Variants in LDLRAD3 observed in about 807,000 individuals in gnomAD.
The protein encoded by LDLRAD3 is low density lipoprotein receptor class A domain containing 3.
A neutral mutation model predicts 29.4 loss-of-function variants in LDLRAD3; 20 were observed. The observed-to-expected ratio is 0.68, with a 90% confidence interval of 0.48 to 0.99. LDLRAD3 has a LOEUF of 0.99. Among genes scored for constraint, LDLRAD3 ranks in the 50% least tolerant of loss-of-function variants. The probability of loss-of-function intolerance (pLI) is 0.00; values close to 1 mark genes in which losing one functional copy is unlikely to be tolerated. For synonymous variants in LDLRAD3, 157 were observed against 192.7 expected (o/e 0.81, Z 1.53); for missense variants, 420 against 454.3 (o/e 0.92, Z 0.69).
chr11:36,163,850 A>C (rs974737029), intron 4 of LDLRAD3, among the ~76,000 whole-genome samples: 1 of 152,236 alleles, frequency 6.6e-6, no homozygotes, highest in African/African-American at 2.4e-5. Context: ...TATTGGGGGA[A>C]TAGTGTCTCA....
rs1853395485 is a variant in LDLRAD3 at position 36,098,380 on chromosome 11, T to A, written c.373T>A (p.Cys125Ser). The change falls in exon 4 of 6, where the codon TGT (cysteine) becomes AGT (serine). Residue 125 changes from cysteine to serine, a missense_variant. Transcript: ENST00000315571. ...TARYHCKNGLCIDKSFICDGQ... is the reference protein window; with the variant it reads ...TARYHCKNGLSIDKSFICDGQ... ...CCGCTACCACTGCAAGAACGGCCTC[T>A]GTATTGACAAGAGCTTCATCTGCGA... The A allele has an allele frequency of 6.2e-7, 1 of 1,614,240 alleles. No homozygotes were observed. Among genetic ancestry groups the A allele is most frequent in the Non-Finnish European group, 8.5e-7 (1 of 1,180,038 alleles).
intron 4 of LDLRAD3, among the ~76,000 whole-genome samples, chr11:36,150,966 T>C (rs756218819): frequency 6.6e-6 from 1 of 151,994 alleles, no homozygotes; most frequent in Non-Finnish European, 1.5e-5. Flanking sequence ...TAGCCCCTCA[T>C]TGCCAGTAGC....
At chr11:36,228,771 C>T (rs547234735) in intron 5 of LDLRAD3, among the ~76,000 whole-genome samples, 4 of 152,324 alleles carry the variant, frequency 2.6e-5, no homozygotes, top group Admixed American at 2.6e-4. Flanking sequence ...AATAGAAATG[C>T]CAATTCCATG....
At chr11:35,985,876 G>A (rs1283920200) in intron 1 of LDLRAD3, among the ~76,000 whole-genome samples, 1 of 151,138 alleles carries the variant, frequency 6.6e-6, no homozygotes, top group African/African-American at 2.4e-5. Flanking sequence ...ACCCAGTCTC[G>A]GGTATGTCTT....
At chr11:36,032,337 G>T (rs943545596) in intron 1 of LDLRAD3, among the ~76,000 whole-genome samples, 2 of 152,140 alleles carry the variant, frequency 1.3e-5, no homozygotes, top group Non-Finnish European at 2.9e-5. Flanking sequence ...GAGATGGTTC[G>T]AAATGAATAT....
chr11:36,219,606 G>A (rs1855401050), intron 4 of LDLRAD3, among the ~76,000 whole-genome samples: 1 of 152,158 alleles, frequency 6.6e-6, no homozygotes. Flanking sequence ...TAAATGGGGA[G>A]ATGAAAAGAA....
At chr11:35,986,351 T>C in intron 1 of LDLRAD3, among the ~76,000 whole-genome samples, 1 of 152,228 alleles carries the variant, frequency 6.6e-6, no homozygotes, top group Non-Finnish European at 1.5e-5. Flanking sequence ...GTACAATATA[T>C]GGTAAATTCT....
At chr11:36,133,188 T>C (rs1244653234) in intron 4 of LDLRAD3, among the ~76,000 whole-genome samples, 2 of 125,970 alleles carry the variant, frequency 1.6e-5, no homozygotes, top group Admixed American at 1.6e-4. Context: ...GCCAAGTCCA[T>C]TTGTCCATTT....
At chr11:36,130,371 G>A (rs1422153979) in intron 4 of LDLRAD3, among the ~76,000 whole-genome samples, 3 of 152,188 alleles carry the variant, frequency 2.0e-5, no homozygotes, top group Non-Finnish European at 2.9e-5. Flanking sequence ...TTGTCTGGAT[G>A]TGTCCACGGG....
intron 1 of LDLRAD3, among the ~76,000 whole-genome samples, chr11:35,990,544 A>G (rs904520266): frequency 6.6e-6 from 1 of 151,574 alleles, no homozygotes; most frequent in African/African-American, 2.4e-5. Flanking sequence ...CAGCTTCCTG[A>G]GTAGCTAGGA....
At chr11:36,012,807 A>G (rs759604795) in intron 1 of LDLRAD3, among the ~76,000 whole-genome samples, 42 of 152,214 alleles carry the variant, frequency 2.8e-4, no homozygotes, top group Admixed American at 3.3e-4. Context: ...AAAAAACGAA[A>G]CTGCAGAAAA....
At chr11:36,099,749 A>C (rs1347169442) in intron 4 of LDLRAD3, among the ~76,000 whole-genome samples, 1 of 152,204 alleles carries the variant, frequency 6.6e-6, no homozygotes. Context: ...ATACATAACA[A>C]CTGGTGAGAG....
chr11:35,963,324 T>A (rs1259393438), intron 1 of LDLRAD3, among the ~76,000 whole-genome samples: 9 of 152,032 alleles, frequency 5.9e-5, no homozygotes, highest in Non-Finnish European at 1.5e-5. Context: ...TTAAAAAAAA[T>A]ATCAAAGAAC....
At chr11:36,137,563 C>T (rs549367754) in intron 4 of LDLRAD3, among the ~76,000 whole-genome samples, 1 of 152,274 alleles carries the variant, frequency 6.6e-6, no homozygotes, top group Non-Finnish European at 1.5e-5. Flanking sequence ...GCCTGGATGA[C>T]TTAAATTGGT....
chr11:36,149,637 G>C (rs897990974), intron 4 of LDLRAD3, among the ~76,000 whole-genome samples: 1 of 152,202 alleles, frequency 6.6e-6, no homozygotes, highest in South Asian at 2.1e-4. Flanking sequence ...TTCTGGGCTG[G>C]TGGCCAGGGT....
At chr11:35,981,143 A>G (rs993124238) in intron 1 of LDLRAD3, among the ~76,000 whole-genome samples, 7 of 119,548 alleles carry the variant, frequency 5.9e-5, no homozygotes, top group African/African-American at 2.2e-4. Flanking sequence ...TTTCACTTCT[A>G]TTTCCTAAAT....
chr11:36,187,122 T>G (rs554973673), intron 4 of LDLRAD3, among the ~76,000 whole-genome samples: 1 of 152,334 alleles, frequency 6.6e-6, no homozygotes, highest in South Asian at 2.1e-4. Flanking sequence ...CTTGGCTTCC[T>G]ATTACCTTTA....
chr11:36,019,755 A>G (rs935045429), intron 1 of LDLRAD3, among the ~76,000 whole-genome samples: 1 of 152,168 alleles, frequency 6.6e-6, no homozygotes, highest in Admixed American at 6.5e-5. Context: ...GAAAGAAACA[A>G]AGGCCAAAGT....
intron 4 of LDLRAD3, among the ~76,000 whole-genome samples, chr11:36,225,837 G>A (rs142213299): frequency 0.012 from 1,834 of 152,198 alleles, 46 homozygotes; most frequent in African/African-American, 0.042. Context: ...TTGGGAGGCC[G>A]AGGCAGTTGG....
Sources: allele counts gnomAD v4.1 joint callset (sites outside exome capture counted in the v4.1 genomes callset), GRCh38; gene constraint gnomAD v4.1.1; transcripts MANE v1.5; gene names NCBI Gene and HGNC (gene_info 2026-07-23, HGNC 2026-07-21).